Variants in TBC1D1 observed in about 807,000 individuals in gnomAD.
The protein encoded by TBC1D1 is TBC1 (tre-2/USP6, BUB2, cdc16) domain family, member 1.
In TBC1D1, 89 loss-of-function variants were observed where a neutral mutation model predicts 125.6. The observed-to-expected ratio is 0.71, with a 90% confidence interval of 0.60 to 0.85. TBC1D1 has a LOEUF of 0.85. Among genes scored for constraint, TBC1D1 ranks in the 40% least tolerant of loss-of-function variants. TBC1D1 has a pLI of 0.00. For missense variants in TBC1D1, 1,377 were observed against 1,469.2 expected (o/e 0.94, Z 1.03); for synonymous variants, 565 against 564.1 (o/e 1.00, Z -0.02).
chr4:38,122,304 A>G (rs1012974553), intron 17 of TBC1D1, among the ~76,000 whole-genome samples: 2 of 152,190 alleles, frequency 1.3e-5, no homozygotes, highest in Non-Finnish European at 2.9e-5. Context: ...ATAAGCATTC[A>G]GCGACTCCTG....
At chr4:37,926,512 A>G (rs556345723) in intron 2 of TBC1D1, among the ~76,000 whole-genome samples, 2 of 152,106 alleles carry the variant, frequency 1.3e-5, no homozygotes, top group Non-Finnish European at 2.9e-5. Flanking sequence ...CTATGTAATG[A>G]TCCTGGCTCT....
chr4:37,942,250 T>C (rs1185547227), intron 2 of TBC1D1, among the ~76,000 whole-genome samples: 1 of 152,230 alleles, frequency 6.6e-6, no homozygotes, highest in East Asian at 1.9e-4. Flanking sequence ...GCTCTTCTTG[T>C]TGAATTGATC....
At chr4:37,905,070 C>T (rs906975664) in intron 2 of TBC1D1, among the ~76,000 whole-genome samples, 5 of 152,154 alleles carry the variant, frequency 3.3e-5, no homozygotes, top group Admixed American at 1.3e-4. Flanking sequence ...CTACAGTTTG[C>T]GAGGAAACCC....
intron 2 of TBC1D1, among the ~76,000 whole-genome samples, chr4:38,011,966 T>G (rs185073815): frequency 5.9e-5 from 9 of 152,316 alleles, no homozygotes; most frequent in Admixed American, 3.3e-4. Flanking sequence ...TCACACATTT[T>G]CTCTCTCCTT....
At chr4:38,062,791 G>GCCAGT (rs1203656764) in intron 12 of TBC1D1, among the ~76,000 whole-genome samples, 2 of 152,160 alleles carry the variant, frequency 1.3e-5, no homozygotes, top group African/African-American at 4.8e-5. Flanking sequence ...CGTTTAAACA[G>GCCAGT]CCAGTCCATA....
intron 2 of TBC1D1, among the ~76,000 whole-genome samples, chr4:38,010,612 A>G (rs1406801212): frequency 6.6e-6 from 1 of 152,200 alleles, no homozygotes; most frequent in Non-Finnish European, 1.5e-5. Context: ...CTGTGAACTA[A>G]TGGCACAGTC....
At chr4:38,003,570 T>C (rs1435473618) in intron 2 of TBC1D1, among the ~76,000 whole-genome samples, 1 of 152,188 alleles carries the variant, frequency 6.6e-6, no homozygotes, top group Non-Finnish European at 1.5e-5. Context: ...GGTACTGATA[T>C]TTTAATAAAG....
At chr4:38,028,841 A>C (rs1194364353) in intron 7 of TBC1D1, among the ~76,000 whole-genome samples, 1 of 152,192 alleles carries the variant, frequency 6.6e-6, no homozygotes, top group Non-Finnish European at 1.5e-5. Flanking sequence ...TTGGTACATG[A>C]ACTTGAACAG....
At chr4:38,039,106 T>C (rs1270042314) in intron 8 of TBC1D1, among the ~76,000 whole-genome samples, 1 of 26,634 alleles carries the variant, frequency 3.8e-5, no homozygotes, top group Non-Finnish European at 6.8e-5. Flanking sequence ...ATCATACTCT[T>C]TTTTTTTTTT....
intron 2 of TBC1D1, among the ~76,000 whole-genome samples, chr4:37,953,315 T>C (rs1290456943): frequency 3.3e-5 from 5 of 152,222 alleles, no homozygotes; most frequent in Admixed American, 2.0e-4. Flanking sequence ...AGTTTTTAAC[T>C]GACAAATCTT....
chr4:38,063,329 G>T (rs540617404), intron 12 of TBC1D1, among the ~76,000 whole-genome samples: 1 of 152,112 alleles, frequency 6.6e-6, no homozygotes, highest in South Asian at 2.1e-4. Flanking sequence ...CCTTGAGAGT[G>T]AGTGTCTCCT....
chr4:38,042,840 G>A (rs971244028), intron 8 of TBC1D1, among the ~76,000 whole-genome samples: 6 of 152,218 alleles, frequency 3.9e-5, no homozygotes, highest in African/African-American at 1.4e-4. Flanking sequence ...ACACTTTTCT[G>A]TGTGCTTGAA....
intron 2 of TBC1D1, among the ~76,000 whole-genome samples, chr4:37,939,538 T>G (rs1394010112): frequency 1.3e-5 from 2 of 152,252 alleles, no homozygotes; most frequent in Non-Finnish European, 2.9e-5. Context: ...TAGATCCCAT[T>G]TGTCAATTTT....
chr4:38,054,280 G>A lies in TBC1D1; in HGVS notation c.1992G>A (p.Gln664=). 6.2e-7 allele frequency: 1 copy of A among 1,614,226 alleles called. No individual in the cohort carries two copies. Residue 664 remains glutamine (Q), a synonymous_variant, in exon 12 of 20, where the codon CAG becomes CAA. Coordinates refer to ENST00000261439, the MANE Select transcript of TBC1D1 (RefSeq NM_015173.4). ...CCCGGAGGCATTCCTGGAGGCAGCA[G>A]ATATTCCTCCGAGTAGCCACCCCGC... is the stretch of plus-strand genomic sequence containing the variant.
chr4:37,936,188 G>GT (rs1469280926), intron 2 of TBC1D1, among the ~76,000 whole-genome samples: 8 of 152,150 alleles, frequency 5.3e-5, no homozygotes, highest in Non-Finnish European at 1.0e-4. Context: ...TATATAATAT[G>GT]TTTTTTGCTG....
At chr4:38,006,326 C>T (rs1330070976) in intron 2 of TBC1D1, among the ~76,000 whole-genome samples, 1 of 152,050 alleles carries the variant, frequency 6.6e-6, no homozygotes, top group African/African-American at 2.4e-5. Flanking sequence ...CACCATTTAA[C>T]TGGATTAGAC....
chr4:37,906,250 C>T (rs1034176295), intron 2 of TBC1D1, among the ~76,000 whole-genome samples: 47 of 152,088 alleles, frequency 3.1e-4, no homozygotes, highest in Non-Finnish European at 4.9e-4. Context: ...CGGGCTCAAG[C>T]GATTCTCCTG....
At chr4:37,926,601 T>G (rs1577892293) in intron 2 of TBC1D1, among the ~76,000 whole-genome samples, 2 of 152,232 alleles carry the variant, frequency 1.3e-5, no homozygotes, top group Non-Finnish European at 2.9e-5. Context: ...GCCCCACTTC[T>G]AGGTGAGCCC....
intron 2 of TBC1D1, among the ~76,000 whole-genome samples, chr4:37,917,080 GT>G (rs1287807949): frequency 1.3e-5 from 2 of 151,864 alleles, no homozygotes; most frequent in Non-Finnish European, 2.9e-5. Flanking sequence ...CTGCTGCTAT[GT>G]TTTGTATGTT....
Sources: gnomAD v4.1 joint callset for allele counts (sites outside exome capture counted in the v4.1 genomes callset) on GRCh38, gnomAD v4.1.1 for gene constraint, MANE v1.5 for transcripts, NCBI Gene and HGNC (gene_info 2026-07-23, HGNC 2026-07-21) for gene names.